The following COL3A1 variants were observed in gnomAD, a reference collection of about 807,000 sequenced individuals.
COL3A1 encodes collagen alpha-1(III) chain.
A neutral mutation model predicts 200.9 loss-of-function variants in COL3A1; 46 were observed. The ratio of observed to expected loss-of-function variants is 0.23; its 90% CI spans 0.18 to 0.29. COL3A1 has a LOEUF of 0.29. Ranked by LOEUF, COL3A1 falls within the 10% of genes least tolerant of loss-of-function variation. The pLI is 1.00. For synonymous variants in COL3A1, 650 were observed against 628.0 expected (o/e 1.03, Z -0.52); for missense variants, 1,367 against 1,917.6 (o/e 0.71, Z 5.36).
chr2:188,993,066 A>G (rs929396240), intron 15 of COL3A1, 126 bp downstream of exon 15: 2 of 870,304 alleles, frequency 2.3e-6, no homozygotes, highest in Non-Finnish European at 1.9e-6. Context: ...ACATGTCTTT[A>G]AAGCCCTATT....
chr2:188,999,230 C>A (rs550419652), intron 29 of COL3A1, 55 bp from the exon 30 acceptor site: 1 of 1,481,776 alleles, frequency 6.7e-7, no homozygotes, highest in Non-Finnish European at 9.2e-7. Context: ...AGTTAAGGTG[C>A]TTTGTTTTTA....
At chr2:189,007,261 A>T (rs1340723994) in intron 44 of COL3A1, among the ~76,000 whole-genome samples, 6 of 151,030 alleles carry the variant, frequency 4.0e-5, no homozygotes, top group Admixed American at 3.3e-4. Context: ...GCAGTTCAGG[A>T]TCTAAAAGTT....
rs766119542 is a variant in COL3A1 at position 188,996,120 on chromosome 2, T to C, written c.1609-5T>C. On this transcript the variant is annotated splice_region_variant and splice_polypyrimidine_tract_variant and intron_variant, in intron 22 of 50. Transcript: ENST00000304636. Reference sequence around the variant, plus strand: ...ATCACCTAACAACTGACTTCTTTACTTCAGGGCATGCCCGGAAGTCCAGGA... The same window carrying C: ...ATCACCTAACAACTGACTTCTTTACCTCAGGGCATGCCCGGAAGTCCAGGA... The C allele has an allele frequency of 3.7e-6, 6 of 1,613,510 alleles. No homozygotes were observed. In the South Asian group the frequency reaches 6.6e-5, roughly 18 times the overall value.
Position 188,994,063 on chromosome 2 carries a change from C to T in COL3A1, c.1175C>T (p.Pro392Leu). 6.2e-7 allele frequency: 1 copy of T among 1,614,034 alleles called. No individual in the cohort carries two copies. The highest frequency in any genetic ancestry group is 8.5e-7 in the Non-Finnish European group (1 of 1,179,994). ...GGCCCTCCTGGGATTAATGGTAGTCCTGGTGGTAAAGGCGAAATGGTAAGC... is the reference window on the plus strand; with the variant it reads ...GGCCCTCCTGGGATTAATGGTAGTCTTGGTGGTAAAGGCGAAATGGTAAGC... ...PPGPPGINGS[P>L]GGKGEMGPAG... is the part of the protein sequence containing the mutation. Residue 392 changes from proline to leucine, a missense_variant, in exon 17 of 51, where the codon CCT (proline) becomes CTT (leucine). Transcript: ENST00000304636. This position sits in a 1 kb window ranked among gnomAD's most constrained non-coding sequence, Gnocchi z 4.5.
At chr2:188,995,670 T>A (rs566638016) in intron 21 of COL3A1, 22 bp from the exon 22 acceptor site, 24 of 1,528,280 alleles carry the variant, frequency 1.6e-5, no homozygotes, top group Middle Eastern at 3.5e-4. Context: ...TTAATTTTTT[T>A]AAAATTTCTT....
intron 1 of COL3A1, among the ~76,000 whole-genome samples, chr2:188,978,755 T>C (rs1431476913): frequency 5.0e-5 from 1 of 20,004 alleles, no homozygotes; most frequent in Non-Finnish European, 9.0e-5. Context: ...GTTTCCACAC[T>C]CAAAAAAAAA....
intron 31 of COL3A1, 80 bp downstream of exon 31, chr2:188,999,657 T>G: frequency 6.8e-7 from 1 of 1,464,340 alleles, no homozygotes; most frequent in South Asian, 1.2e-5. Context: ...TGGAAAGTAA[T>G]CGACTGTATT....
At chr2:188,987,596 A>G (rs929833568) in intron 5 of COL3A1, among the ~76,000 whole-genome samples, 1 of 152,070 alleles carries the variant, frequency 6.6e-6, no homozygotes, top group Non-Finnish European at 1.5e-5. Context: ...ATAAATCTCT[A>G]TGTCAATTAA....
chr2:188,984,802 A>T lies in COL3A1; in HGVS notation c.122A>T (p.Asp41Val). ...GCSHLGQSYA[D>V]RDVWKPEPCQ... ...TCCCATCTTGGTCAGTCCTATGCGG[A>T]TAGAGATGTCTGGAAGCCAGAACCA... The change falls in exon 2 of 51, where the codon GAT becomes GTT. Residue 41 changes from aspartate to valine, a missense_variant. By Grantham distance (152) the Asp-to-Val change is radical. Coordinates refer to ENST00000304636, the MANE Select transcript of COL3A1 (RefSeq NM_000090.4). The T allele has an allele frequency of 8.7e-6, 14 of 1,613,126 alleles. No individual in the cohort carries two copies. The highest frequency in any genetic ancestry group is 1.2e-5 in the Non-Finnish European group (14 of 1,179,352).
chr2:188,998,415 A>G, intron 28 of COL3A1, 96 bp downstream of exon 28: 2 of 1,115,658 alleles, frequency 1.8e-6, no homozygotes, highest in South Asian at 2.7e-5. Context: ...ATGCCATGAT[A>G]TTTGAGATTT....
intron 14 of COL3A1, among the ~76,000 whole-genome samples, 155 bp downstream of exon 14, chr2:188,992,383 A>G (rs970173939): frequency 6.6e-6 from 1 of 152,062 alleles, no homozygotes; most frequent in Non-Finnish European, 1.5e-5. Flanking sequence ...GACCATTTTT[A>G]CAATTTAAAA....
intron 1 of COL3A1, among the ~76,000 whole-genome samples, chr2:188,976,127 T>C (rs1687807630): frequency 6.6e-6 from 1 of 152,044 alleles, no homozygotes; most frequent in Admixed American, 6.6e-5. Flanking sequence ...AGTCCTTTTT[T>C]AGGATACCAA....
At chr2:188,997,995 A>G (rs1307576922) in intron 27 of COL3A1, among the ~76,000 whole-genome samples, 1 of 152,244 alleles carries the variant, frequency 6.6e-6, no homozygotes, top group African/African-American at 2.4e-5. Context: ...TTTTTATTAT[A>G]ACATAAATCC....
intron 32 of COL3A1, 59 bp from the exon 33 acceptor site, chr2:189,001,338 T>C: frequency 1.3e-6 from 2 of 1,519,676 alleles, no homozygotes; most frequent in South Asian, 1.1e-5. Flanking sequence ...TTCTGTTTGA[T>C]TAATGCAAAA....
intron 11 of COL3A1, 84 bp from the exon 12 acceptor site, chr2:188,991,403 C>A: frequency 2.2e-6 from 2 of 909,698 alleles, no homozygotes; most frequent in Non-Finnish European, 1.6e-6. Context: ...GCTCTATAAA[C>A]TTTTCCATAA....
rs772428340 is a variant in COL3A1, at chr2:189,011,668, G to T, written c.4295G>T (p.Arg1432Leu). ...GEWSKTVFEY[R>L]TRKAVRLPIV... ...TGGAGCAAAACAGTCTTTGAATATC[G>T]AACACGCAAGGCTGTGAGACTACCT... Residue 1432 changes from arginine (R) to leucine (L), a missense_variant, in exon 51 of 51, where the codon CGA becomes CTA. Physicochemically the swap from Arg to Leu is moderately radical, Grantham distance 102. This residue lies in a region of COL3A1 where 846 missense variants were observed against 1,147.9 expected (regional missense o/e 0.74). Transcript: ENST00000304636. The T allele has an allele frequency of 2.4e-5, 38 of 1,613,750 alleles. No individual in the cohort carries two copies. Among genetic ancestry groups the T allele is most frequent in the Non-Finnish European group, 2.9e-5 (34 of 1,179,918 alleles).
Position 188,994,971 on chromosome 2 carries a change from A to G in COL3A1, c.1456-75A>G. 1 of 1,569,960 alleles carries G rather than the reference A, an allele frequency of 6.4e-7. No individual in the cohort carries two copies. Among genetic ancestry groups the G allele is most frequent in the South Asian group, 1.1e-5 (1 of 90,136 alleles). On this transcript the variant is annotated intron_variant, in intron 20 of 50. Coordinates refer to ENST00000304636, the MANE Select transcript of COL3A1 (RefSeq NM_000090.4). This position sits in a 1 kb window ranked among gnomAD's most constrained non-coding sequence, Gnocchi z 4.5. ...GTTTAAAGCATTCTATGACATAAAA[A>G]TATTTGCCACTCAAGAATTATGAAA...
intron 1 of COL3A1, among the ~76,000 whole-genome samples, chr2:188,984,432 T>C (rs1688020642): frequency 6.6e-6 from 1 of 152,032 alleles, no homozygotes; most frequent in Non-Finnish European, 1.5e-5. Context: ...TTATTTTCAA[T>C]GTTCCTTTAA....
At position 189,003,622 on chromosome 2, in the gene COL3A1, C is replaced by G. The variant is rs962398927; in HGVS notation, c.2608-112C>G. On this transcript the variant is annotated intron_variant, in intron 37 of 50. Coordinates refer to ENST00000304636, the MANE Select transcript of COL3A1 (RefSeq NM_000090.4). The stretch of plus-strand genomic sequence containing the variant: ...TGTAAATTCCAAGGGGAAACACAAA[C>G]CATAAATGACTTTCAGGTACAATGC... 1.9e-5 allele frequency: 26 copies of G among 1,379,280 alleles called. No homozygotes were observed. In the East Asian group the frequency reaches 5.5e-4, roughly 29 times the overall value. The allele number at this position is 1,379,280 out of a possible 1,614,324, so 85.4% of individuals were successfully genotyped here.
Sources: allele counts gnomAD v4.1 joint callset (sites outside exome capture counted in the v4.1 genomes callset), GRCh38; gene constraint gnomAD v4.1.1; regional missense constraint gnomAD v4.1.1; non-coding constraint Gnocchi (gnomAD v3.1); transcripts MANE v1.5; gene names NCBI Gene and HGNC (gene_info 2026-07-23, HGNC 2026-07-21).